CAMK2D: variants seen among roughly 807,000 people sequenced by gnomAD.
The protein encoded by CAMK2D is calcium/calmodulin dependent protein kinase II delta, also known as calcium/calmodulin-dependent protein kinase type II subunit delta.
A neutral mutation model predicts 84.0 loss-of-function variants in CAMK2D; 37 were observed. The ratio of observed to expected loss-of-function variants is 0.44; its 90% CI spans 0.34 to 0.58. The LOEUF (loss-of-function observed/expected upper bound fraction) is 0.58. Among genes scored for constraint, CAMK2D ranks in the 20% least tolerant of loss-of-function variants. The probability of loss-of-function intolerance (pLI) is 0.02; values close to 1 mark genes in which losing one functional copy is unlikely to be tolerated. For synonymous variants in CAMK2D, 202 were observed against 212.5 expected (o/e 0.95, Z 0.43); for missense variants, 448 against 652.5 (o/e 0.69, Z 3.41).
At chr4:113,590,368 A>T (rs1859150) in intron 4 of CAMK2D, among the ~76,000 whole-genome samples, 106,407 of 152,006 alleles carry the variant, frequency 0.7, 37,455 homozygotes, top group Middle Eastern at 0.74. Context: ...CAGACACAGA[A>T]GAAAAAAGTA....
chr4:113,761,483 A>G lies in CAMK2D; in HGVS notation c.-415T>C, dbSNP rs975289471. ...GCACTGGAGCAGGAGGAGTAGAAGC[A>G]GAGGGGAGGGAGTCCGAGGGGGCGG... is the stretch of plus-strand genomic sequence containing the variant. On this transcript the variant is annotated 5_prime_UTR_variant, in exon 1 of 21. Transcript: ENST00000511664. 16 of 1,083,380 alleles carry G rather than the reference A, an allele frequency of 1.5e-5. No individual in the cohort carries two copies. Among genetic ancestry groups the G allele is most frequent in the Middle Eastern group, 4.3e-4 (1 of 2,300 alleles). 67.1% of individuals were successfully genotyped at this position (1,083,380 alleles called of 1,614,324 possible).
At chr4:113,483,952 G>C (rs2097734425) in intron 16 of CAMK2D, among the ~76,000 whole-genome samples, 2 of 152,126 alleles carry the variant, frequency 1.3e-5, no homozygotes. Context: ...AATTGGTTAA[G>C]TCAAGTAAAC....
At position 113,761,314 on chromosome 4, in the gene CAMK2D, C is replaced by G. The variant is rs1193402364; in HGVS notation, c.-246G>C. On this transcript the variant is annotated 5_prime_UTR_variant, in exon 1 of 21. Transcript: ENST00000511664. ...CCTCCTCCTCCTGCGGGCCTCGCTT[C>G]CTTCTTCTCCACTGGACGCTCCACC... 2 of 1,415,032 alleles carry G rather than the reference C, an allele frequency of 1.4e-6. No homozygotes were observed. Among genetic ancestry groups the G allele is most frequent in the East Asian group, 2.6e-5 (1 of 38,282 alleles). The allele number at this position is 1,415,032 out of a possible 1,614,324, so 87.7% of individuals were successfully genotyped here.
intron 3 of CAMK2D, among the ~76,000 whole-genome samples, chr4:113,647,209 T>C (rs1428796208): frequency 6.6e-6 from 1 of 152,220 alleles, no homozygotes; most frequent in Non-Finnish European, 1.5e-5. Context: ...TAAAATCTGT[T>C]CTGATGAATA....
intron 3 of CAMK2D, among the ~76,000 whole-genome samples, chr4:113,620,683 T>C (rs1398576801): frequency 1.3e-5 from 2 of 152,026 alleles, no homozygotes; most frequent in African/African-American, 4.8e-5. Flanking sequence ...AATTTTTGTA[T>C]TTTTAGTAGA....
At chr4:113,683,699 T>C (rs906606518) in intron 2 of CAMK2D, among the ~76,000 whole-genome samples, 1 of 152,136 alleles carries the variant, frequency 6.6e-6, no homozygotes, top group African/African-American at 2.4e-5. Flanking sequence ...TCTGGAAGGT[T>C]TGGAGAACAG....
At chr4:113,491,784 G>A (rs2097847224) in intron 16 of CAMK2D, among the ~76,000 whole-genome samples, 1 of 151,960 alleles carries the variant, frequency 6.6e-6, no homozygotes, top group Admixed American at 6.6e-5. Flanking sequence ...ACTCTTTTTG[G>A]TTGGTAAACT....
At chr4:113,542,052 G>C (rs2098533670) in intron 6 of CAMK2D, among the ~76,000 whole-genome samples, 2 of 152,196 alleles carry the variant, frequency 1.3e-5, no homozygotes. Context: ...ATATGAGCAA[G>C]TTCATAAGAA....
At chr4:113,459,081 A>T (rs2097339262) in intron 18 of CAMK2D, among the ~76,000 whole-genome samples, 1 of 152,222 alleles carries the variant, frequency 6.6e-6, no homozygotes, top group African/African-American at 2.4e-5. Context: ...ATTTGAATTG[A>T]AAGATTTATC....
intron 2 of CAMK2D, among the ~76,000 whole-genome samples, chr4:113,678,085 A>T (rs1251721871): frequency 6.6e-6 from 1 of 152,194 alleles, no homozygotes; most frequent in African/African-American, 2.4e-5. Context: ...GCTGCCTACA[A>T]GTTAAATGAA....
intron 3 of CAMK2D, among the ~76,000 whole-genome samples, chr4:113,644,152 G>A (rs1004707277): frequency 1.3e-5 from 2 of 152,122 alleles, no homozygotes; most frequent in Non-Finnish European, 2.9e-5. Context: ...TACTCAGGGT[G>A]TTTTGAGAAA....
chr4:113,605,991 C>G (rs2098975161), intron 4 of CAMK2D, among the ~76,000 whole-genome samples: 1 of 151,898 alleles, frequency 6.6e-6, no homozygotes, highest in Admixed American at 6.6e-5. Flanking sequence ...GGCAGCAACA[C>G]CAAGATAACA....
Position 113,677,462 on chromosome 4 carries a change from G to A in CAMK2D, c.161-15690C>T, listed in dbSNP as rs115166381. 8.7e-3 allele frequency: 2,592 copies of A among 297,180 alleles called. 77 individuals carry two copies. The highest frequency in any genetic ancestry group is 0.054 in the African/African-American group (2,389 of 44,146). 18.4% of individuals were successfully genotyped at this position (297,180 alleles called of 1,614,324 possible). On this transcript the variant is annotated intron_variant, in intron 2 of 20. Coordinates refer to ENST00000511664, the MANE Select transcript of CAMK2D (RefSeq NM_001321571.2). The stretch of plus-strand genomic sequence containing the variant: ...AGGAAGAAGGGGTATCAACAGGAAA[G>A]TGAAAGTAACAGAATGGAGACTATA...
chr4:113,672,609 C>G (rs2099294201), intron 2 of CAMK2D, among the ~76,000 whole-genome samples: 1 of 151,854 alleles, frequency 6.6e-6, no homozygotes, highest in Non-Finnish European at 1.5e-5. Flanking sequence ...ATTGATTGAA[C>G]TACAATCCCC....
chr4:113,534,736 A>G (rs1207752745), intron 7 of CAMK2D, among the ~76,000 whole-genome samples: 1 of 152,194 alleles, frequency 6.6e-6, no homozygotes, highest in Non-Finnish European at 1.5e-5. Context: ...AACATCCTTT[A>G]TAGCTCAATC....
At chr4:113,594,865 A>G (rs960808871) in intron 4 of CAMK2D, among the ~76,000 whole-genome samples, 1 of 152,190 alleles carries the variant, frequency 6.6e-6, no homozygotes, top group African/African-American at 2.4e-5. Flanking sequence ...GAAGAAAGAG[A>G]GAAAGAAATA....
chr4:113,626,910 C>T (rs564453252), intron 3 of CAMK2D, among the ~76,000 whole-genome samples: 1 of 152,238 alleles, frequency 6.6e-6, no homozygotes, highest in South Asian at 2.1e-4. Context: ...GAATCAGGCT[C>T]ATATAATCCA....
In CAMK2D at chr4:113,609,368, A is replaced by G. The variant is rs117035412; in HGVS notation, c.221-162T>C. 5.7e-3 allele frequency among the ~76,000 whole-genome samples: 865 copies of G among 152,288 alleles called. 29 individuals are homozygous for G. In the East Asian group the frequency reaches 0.11, roughly 20 times the overall value. On this transcript the variant is annotated intron_variant, in intron 3 of 20. Transcript: ENST00000511664. ...ATCTTTTACAACATAGCTTGAGTTC[A>G]GATAGAACTAAGGTTTGGGTACTGG... is the stretch of plus-strand genomic sequence containing the variant.
chr4:113,532,662 A>G (rs4833432), intron 7 of CAMK2D, among the ~76,000 whole-genome samples: 9,364 of 152,230 alleles, frequency 0.062, 595 homozygotes, highest in East Asian at 0.21. Flanking sequence ...CCAGTGAGAA[A>G]TCGATGCTAA....
Sources: gnomAD v4.1 joint callset for allele counts (sites outside exome capture counted in the v4.1 genomes callset) on GRCh38, gnomAD v4.1.1 for gene constraint, MANE v1.5 for transcripts, NCBI Gene and HGNC (gene_info 2026-07-23, HGNC 2026-07-21) for gene names.